The following PRKG1 variants were observed in gnomAD, a reference collection of about 807,000 sequenced individuals.
PRKG1 encodes protein kinase cGMP-dependent 1.
PRKG1 carries 35 observed loss-of-function variants against 88.1 expected under a neutral mutation model. The observed-to-expected ratio is 0.40, with a 90% CI of 0.30 to 0.53. The LOEUF (loss-of-function observed/expected upper bound fraction) is 0.53, where lower values mean the gene tolerates loss of function less well. PRKG1 is among the 20% of genes least tolerant of loss of function. PRKG1 has a pLI of 0.59. For missense variants in PRKG1, 540 were observed against 839.8 expected (o/e 0.64, Z 4.41); for synonymous variants, 303 against 292.5 (o/e 1.04, Z -0.37).
In PRKG1 at chr10:51,299,461, C is replaced by T. The variant is rs188454730; in HGVS notation, c.478+146131C>T. 3 of 445,234 alleles carry T rather than the reference C, an allele frequency of 6.7e-6. No individual in the cohort carries two copies. In the Admixed American group the frequency reaches 7.4e-5, roughly 11 times the overall value. 27.6% of individuals were successfully genotyped at this position (445,234 alleles called of 1,614,324 possible). On this transcript the variant is annotated intron_variant, in intron 2 of 17. Coordinates refer to ENST00000373980, the MANE Select transcript of PRKG1 (RefSeq NM_006258.4). ...TCTCAGGTGATCCACCCACCTCGGC[C>T]TCCCAGAGTGCTGAGATTGCAGGTG...
At chr10:51,949,615 T>G (rs1173702833) in intron 5 of PRKG1, among the ~76,000 whole-genome samples, 2 of 152,116 alleles carry the variant, frequency 1.3e-5, no homozygotes, top group Non-Finnish European at 2.9e-5. Flanking sequence ...AAAGGTATGT[T>G]AAGGTATCAG....
At chr10:52,136,347 G>C (rs1837421214) in intron 8 of PRKG1, among the ~76,000 whole-genome samples, 1 of 152,056 alleles carries the variant, frequency 6.6e-6, no homozygotes, top group African/African-American at 2.4e-5. Context: ...AAAGAGGCAA[G>C]GTAGAAAATT....
intron 2 of PRKG1, among the ~76,000 whole-genome samples, chr10:51,413,665 A>T (rs750105750): frequency 1.1e-4 from 16 of 152,068 alleles, no homozygotes; most frequent in Non-Finnish European, 1.8e-4. Context: ...AGCCAAAAAA[A>T]GTTTTTAAAA....
At chr10:51,720,550 T>C (rs1487876295) in intron 3 of PRKG1, among the ~76,000 whole-genome samples, 1 of 152,172 alleles carries the variant, frequency 6.6e-6, no homozygotes, top group African/African-American at 2.4e-5. Context: ...TTGTCTGCAC[T>C]TTGGGAAGCT....
At chr10:51,924,676 G>A (rs763631691) in intron 5 of PRKG1, among the ~76,000 whole-genome samples, 16 of 146,490 alleles carry the variant, frequency 1.1e-4, no homozygotes, top group Non-Finnish European at 2.1e-4. Flanking sequence ...TTACGTATAT[G>A]TTGCATCTTT....
intron 1 of PRKG1, 80 bp downstream of exon 1, chr10:51,074,981 C>A (rs897269117): frequency 2.0e-5 from 29 of 1,454,628 alleles, no homozygotes; most frequent in Non-Finnish European, 2.7e-5. Flanking sequence ...CTGTCGGCCC[C>A]CGCCCCTCCC....
Position 50,991,742 on chromosome 10 carries a change from G to T in PRKG1, c.266+98G>T, listed in dbSNP as rs1842785131. 1 of 957,710 alleles carries T rather than the reference G, an allele frequency of 1.0e-6. No individual in the cohort carries two copies. Among genetic ancestry groups the T allele is most frequent in the Non-Finnish European group, 1.3e-6 (1 of 786,048 alleles). 59.3% of individuals were successfully genotyped at this position (957,710 alleles called of 1,614,324 possible). ...CGGCGGGGGCGGGTCGGCCCAGGGCGCCCCCTGCTCGCTGCGGCGCGCGGA... is the reference window on the plus strand; with the variant it reads ...CGGCGGGGGCGGGTCGGCCCAGGGCTCCCCCTGCTCGCTGCGGCGCGCGGA... On this transcript the variant is annotated intron_variant, in intron 1 of 17. Transcript: ENST00000401604. The surrounding 1 kb of genome is among the most constrained non-coding windows in gnomAD (Gnocchi z 4.5).
rs10466009 is a variant in PRKG1 at position 51,472,432 on chromosome 10, T to C, written c.592+4596T>C. ...TAAATACTTTTACATGCTATAAAAA[T>C]AATGCCTATACCTAATACATATGAT... On this transcript the variant is annotated intron_variant, in intron 3 of 17. Coordinates refer to ENST00000373980, the MANE Select transcript of PRKG1 (RefSeq NM_006258.4). 4.2e-3 allele frequency among the ~76,000 whole-genome samples: 637 copies of C among 152,050 alleles called. 3 individuals are homozygous for C. Among genetic ancestry groups the C allele is most frequent in the African/African-American group, 0.014 (590 of 41,532 alleles).
chr10:51,836,209 C>A (rs78425107), intron 4 of PRKG1, among the ~76,000 whole-genome samples: 3,967 of 152,004 alleles, frequency 0.026, 160 homozygotes, highest in African/African-American at 0.09. Flanking sequence ...GATAGAAAAC[C>A]CAGAAATAGA....
intron 9 of PRKG1, among the ~76,000 whole-genome samples, chr10:52,181,388 T>G (rs1017828923): frequency 8.6e-5 from 13 of 150,484 alleles, no homozygotes; most frequent in African/African-American, 3.2e-4. Flanking sequence ...TAATTTATAA[T>G]GAAAAGAGGT....
chr10:51,811,892 T>G (rs2879611), intron 4 of PRKG1, among the ~76,000 whole-genome samples: 24,344 of 152,182 alleles, frequency 0.16, 2,867 homozygotes, highest in African/African-American at 0.33. Flanking sequence ...CTGATGCTCA[T>G]GCAGCTAGTC....
At chr10:51,733,887 G>A (rs1347209864) in intron 3 of PRKG1, among the ~76,000 whole-genome samples, 1 of 151,866 alleles carries the variant, frequency 6.6e-6, no homozygotes. Context: ...GTGTTAATTA[G>A]AACTCTGCAT....
intron 17 of PRKG1, among the ~76,000 whole-genome samples, chr10:52,291,433 G>A (rs905156582): frequency 1.7e-5 from 2 of 120,444 alleles, no homozygotes; most frequent in Non-Finnish European, 3.2e-5. Context: ...AGTCCCCAGA[G>A]TGTGATGGTC....
chr10:52,042,071 T>C (rs1845766301), intron 5 of PRKG1, among the ~76,000 whole-genome samples: 1 of 152,120 alleles, frequency 6.6e-6, no homozygotes, highest in Admixed American at 6.5e-5. Context: ...AGAACAGAAG[T>C]AAACAGAAGG....
chr10:51,836,931 G>A (rs1294869935), intron 4 of PRKG1, among the ~76,000 whole-genome samples: 2 of 152,184 alleles, frequency 1.3e-5, no homozygotes, highest in Admixed American at 6.6e-5. Flanking sequence ...GATAGAGATA[G>A]TGTCACTAGT....
intron 3 of PRKG1, among the ~76,000 whole-genome samples, chr10:51,723,930 T>C (rs921471496): frequency 6.6e-5 from 10 of 152,190 alleles, no homozygotes; most frequent in African/African-American, 2.4e-4. Flanking sequence ...CGTATGGGTT[T>C]CAACTGATAA....
intron 14 of PRKG1, among the ~76,000 whole-genome samples, chr10:52,282,698 TTATATC>T (rs953281311): frequency 6.6e-6 from 1 of 152,122 alleles, no homozygotes; most frequent in African/African-American, 2.4e-5. Context: ...TTAGCAACTG[TTATATC>T]TAAATGAAAG....
chr10:52,147,364 A>C (rs57169351), intron 8 of PRKG1, among the ~76,000 whole-genome samples: 34,627 of 152,150 alleles, frequency 0.23, 4,008 homozygotes, highest in South Asian at 0.32. Flanking sequence ...TTTTCTCAGC[A>C]TCCAAATATG....
rs1215290802 is a variant in PRKG1 at position 52,296,926 on chromosome 10, G to A, written c.*3026G>A. 1.3e-5 allele frequency: 2 copies of A among 151,970 alleles called. No individual in the cohort carries two copies. The highest frequency in any genetic ancestry group is 2.9e-5 in the Non-Finnish European group (2 of 67,956). 9.4% of individuals were successfully genotyped at this position (151,970 alleles called of 1,614,324 possible). On this transcript the variant is annotated 3_prime_UTR_variant, in exon 18 of 18. Coordinates refer to ENST00000373980, the MANE Select transcript of PRKG1 (RefSeq NM_006258.4). ...ACCTAAAATTGTGGAATATGCATGT[G>A]AATTACACATGTGTAGTAATAAACT... is the stretch of plus-strand genomic sequence containing the variant.
Sources: gnomAD v4.1 joint callset for allele counts (sites outside exome capture counted in the v4.1 genomes callset) on GRCh38, gnomAD v4.1.1 for gene constraint, Gnocchi (gnomAD v3.1) non-coding constraint, MANE v1.5 for transcripts, NCBI Gene and HGNC (gene_info 2026-07-23, HGNC 2026-07-21) for gene names.